The following CSGALNACT1 variants were observed in gnomAD, a reference collection of about 807,000 sequenced individuals.
The protein encoded by CSGALNACT1 is chondroitin sulfate N-acetylgalactosaminyltransferase 1.
CSGALNACT1 carries 52 observed loss-of-function variants against 51.0 expected under a neutral mutation model. The ratio of observed to expected loss-of-function variants is 1.02; its 90% CI spans 0.82 to 1.29. The LOEUF (loss-of-function observed/expected upper bound fraction) is 1.29, where lower values mean the gene tolerates loss of function less well. Ranked by LOEUF, CSGALNACT1 falls within the 50% of genes most tolerant of loss-of-function variation. The pLI is 0.00. For missense variants in CSGALNACT1, 935 were observed against 679.2 expected, an observed-to-expected ratio of 1.38 and a Z score of -4.19; for synonymous variants, 341 against 254.4, an observed-to-expected ratio of 1.34 and a Z score of -3.24.
Position 19,454,772 on chromosome 8 carries a change from A to C in CSGALNACT1, c.851+3654T>G, listed in dbSNP as rs976035699. On this transcript the variant is annotated intron_variant, in intron 5 of 9. Transcript: ENST00000454498. ...CGTTTTGTACTGAAATGTTTCAATCAAACTTACAAAATGTAGTAAAAAAAA... is the reference window on the plus strand; with the variant it reads ...CGTTTTGTACTGAAATGTTTCAATCCAACTTACAAAATGTAGTAAAAAAAA... 3.4e-5 allele frequency among the ~76,000 whole-genome samples: 5 copies of C among 148,846 alleles called. No homozygotes were observed. The South Asian group carries it at 8.6e-4, about 26-fold the overall frequency.
chr8:19,721,389 G>T (rs1357762437), intron 1 of CSGALNACT1, among the ~76,000 whole-genome samples: 1 of 152,166 alleles, frequency 6.6e-6, no homozygotes, highest in Non-Finnish European at 1.5e-5. Context: ...TCTGAAATCT[G>T]CAACTTCAAA....
chr8:19,435,004 C>T (rs984761504), intron 6 of CSGALNACT1, among the ~76,000 whole-genome samples: 25 of 152,158 alleles, frequency 1.6e-4, no homozygotes, highest in African/African-American at 5.5e-4. Context: ...AGGTGGGTCC[C>T]TGATAACGAC....
chr8:19,630,968 T>C lies in CSGALNACT1; in HGVS notation c.-543-29103A>G, dbSNP rs532300603. ...AACTGACGAGCCAATATTGACATGT[T>C]ATTAACTAAAGTCCATTGTTTTCAT... On this transcript the variant is annotated intron_variant, in intron 1 of 9. Transcript: ENST00000332246. Among the ~76,000 whole-genome samples, 3 of 152,324 alleles carry C rather than the reference T, an allele frequency of 2.0e-5. No individual in the cohort carries two copies. The East Asian group carries it at 5.8e-4, about 29-fold the overall frequency.
In CSGALNACT1 at chr8:19,516,996, T is replaced by C. The variant is rs572846043; in HGVS notation, c.-296-10866A>G. On this transcript the variant is annotated intron_variant, in intron 3 of 9. Coordinates refer to ENST00000454498, the Ensembl canonical transcript of CSGALNACT1. ...ATGACCCACTGCCCACCTGGAGAGG[T>C]GGTTGGTTTTTAGTTGAGATGCCTC... Among the ~76,000 whole-genome samples, 270 of 152,216 alleles carry C rather than the reference T, an allele frequency of 1.8e-3. 2 individuals are homozygous for C. Among genetic ancestry groups the C allele is most frequent in the Middle Eastern group, 3.4e-3 (1 of 294 alleles).
chr8:19,508,597 TCCA>T (rs1323261814), intron 3 of CSGALNACT1, among the ~76,000 whole-genome samples: 83 of 152,348 alleles, frequency 5.4e-4, no homozygotes, highest in African/African-American at 1.9e-3. Context: ...ACTCATTATA[TCCA>T]AGAATTAAAT....
intron 4 of CSGALNACT1, among the ~76,000 whole-genome samples, chr8:19,473,071 A>T (rs1044062659): frequency 2.0e-4 from 31 of 152,298 alleles, no homozygotes; most frequent in Non-Finnish European, 1.2e-4. Context: ...CAAGTACTTC[A>T]CTTGCTCTAC....
At chr8:19,596,535 G>A (rs1293614164) in intron 2 of CSGALNACT1, among the ~76,000 whole-genome samples, 5 of 151,096 alleles carry the variant, frequency 3.3e-5, no homozygotes, top group African/African-American at 9.7e-5. Context: ...AAAAACAAGT[G>A]AGAAAGAGAG....
chr8:19,611,841 T>C (rs2052312972), intron 1 of CSGALNACT1, among the ~76,000 whole-genome samples: 1 of 152,082 alleles, frequency 6.6e-6, no homozygotes, highest in Non-Finnish European at 1.5e-5. Flanking sequence ...AAAAAAAATA[T>C]GACCGGAAAT....
At chr8:19,749,958 C>T (rs762089369) in intron 1 of CSGALNACT1, among the ~76,000 whole-genome samples, 5 of 152,182 alleles carry the variant, frequency 3.3e-5, no homozygotes, top group African/African-American at 4.8e-5. Context: ...TGCAGCTCTC[C>T]TCTGAGCTTT....
rs985639486 is a variant in CSGALNACT1 at position 19,489,049 on chromosome 8, T to C, written c.634+16152A>G. ...GGGCAAAAGATGTATCTCCTACAGG[T>C]AGAAAATGGAGATGAGAGATGGGGA... On this transcript the variant is annotated intron_variant, in intron 4 of 9. Coordinates refer to ENST00000454498, the Ensembl canonical transcript of CSGALNACT1. 2.6e-5 allele frequency among the ~76,000 whole-genome samples: 4 copies of C among 151,912 alleles called. No homozygotes were observed. In the East Asian group the frequency reaches 7.7e-4, roughly 29 times the overall value.
intron 8 of CSGALNACT1, among the ~76,000 whole-genome samples, chr8:19,416,924 G>A (rs2057001496): frequency 2.0e-5 from 3 of 151,662 alleles, no homozygotes; most frequent in African/African-American, 7.3e-5. Flanking sequence ...GTGCAGTGGT[G>A]CGATCTCAGC....
In CSGALNACT1 at chr8:19,724,193, T is replaced by C. The variant is rs548933920; in HGVS notation, c.-297+33657A>G. Among the ~76,000 whole-genome samples, 34 of 152,300 alleles carry C rather than the reference T, an allele frequency of 2.2e-4. 1 individual carries two copies. Among genetic ancestry groups the C allele is most frequent in the African/African-American group, 8.2e-4 (34 of 41,570 alleles). ...CTGCGACTACAAACTACCTCAAACC[T>C]GGCAGCCTAAAACCACCCAAGTGTA... On this transcript the variant is annotated intron_variant, in intron 1 of 1. Transcript: ENST00000517494.
At chr8:19,407,905 TTGTGTGTG>T (rs60746708) in intron 9 of CSGALNACT1, among the ~76,000 whole-genome samples, 6,374 of 112,692 alleles carry the variant, frequency 0.057, 316 homozygotes, top group African/African-American at 0.086. Context: ...TGTATATGAA[TTGTGTGTG>T]TGTGTGTGTG....
chr8:19,715,671 T>C (rs964613733), intron 1 of CSGALNACT1, among the ~76,000 whole-genome samples: 3 of 152,190 alleles, frequency 2.0e-5, no homozygotes, highest in African/African-American at 7.2e-5. Context: ...ATATTGAAAG[T>C]GTGGGAGAAT....
chr8:19,699,696 T>C (rs1418222289), intron 1 of CSGALNACT1, among the ~76,000 whole-genome samples: 1 of 152,244 alleles, frequency 6.6e-6, no homozygotes, highest in Non-Finnish European at 1.5e-5. Context: ...TGAAGAGTTC[T>C]AGAAATGGAT....
At chr8:19,747,359 C>T (rs936293042) in intron 1 of CSGALNACT1, among the ~76,000 whole-genome samples, 3 of 152,168 alleles carry the variant, frequency 2.0e-5, no homozygotes, top group Non-Finnish European at 4.4e-5. Context: ...TCCCTGAGGC[C>T]TCTGTTATCC....
At chr8:19,437,438 G>A (rs1195382327) in intron 6 of CSGALNACT1, among the ~76,000 whole-genome samples, 1 of 152,126 alleles carries the variant, frequency 6.6e-6, no homozygotes, top group African/African-American at 2.4e-5. Context: ...GGAAGGTAGA[G>A]TGTGGTATGG....
intron 1 of CSGALNACT1, among the ~76,000 whole-genome samples, chr8:19,705,325 A>G (rs1589611610): frequency 1.3e-5 from 2 of 152,328 alleles, no homozygotes; most frequent in African/African-American, 4.8e-5. Flanking sequence ...TCAGGGAAAA[A>G]CTGGAAACAA....
At chr8:19,559,350 C>T (rs2040189127) in intron 3 of CSGALNACT1, among the ~76,000 whole-genome samples, 1 of 152,080 alleles carries the variant, frequency 6.6e-6, no homozygotes, top group African/African-American at 2.4e-5. Context: ...GATTATCTAC[C>T]ATACAAAAAT....
Sources: gnomAD v4.1 joint callset for allele counts (sites outside exome capture counted in the v4.1 genomes callset) on GRCh38, gnomAD v4.1.1 for gene constraint, MANE v1.5 for transcripts, NCBI Gene and HGNC (gene_info 2026-07-23, HGNC 2026-07-21) for gene names.